The following KLF12 variants were observed in gnomAD, a reference collection of about 807,000 sequenced individuals.
KLF12 encodes KLF transcription factor 12.
In KLF12, 9 loss-of-function variants were observed where a neutral mutation model predicts 37.8. That is an observed-to-expected ratio of 0.24 (90% confidence interval 0.14 to 0.42). The LOEUF is 0.42. KLF12 is among the 10% of genes least tolerant of loss of function. The pLI, the probability that KLF12 is intolerant of heterozygous loss-of-function variation, is 1.00. For synonymous variants in KLF12, 208 were observed against 202.1 expected, an observed-to-expected ratio of 1.03 and a Z score of -0.25; for missense variants, 411 against 516.0, an observed-to-expected ratio of 0.80 and a Z score of 1.97.
chr13:73,955,552 T>G (rs953915093), intron 2 of KLF12, among the ~76,000 whole-genome samples: 27 of 152,352 alleles, frequency 1.8e-4, no homozygotes, highest in African/African-American at 6.5e-4. Flanking sequence ...TCTAATGTTT[T>G]CTGACTACTA....
chr13:73,895,822 CTTT>C (rs201728570), intron 3 of KLF12, among the ~76,000 whole-genome samples: 71,640 of 143,918 alleles, frequency 0.5, 17,570 homozygotes, highest in African/African-American at 0.57. Flanking sequence ...CCATGGAATT[CTTT>C]TTTTTTTTTT....
chr13:73,825,820 AC>A (rs1418579236), intron 4 of KLF12, among the ~76,000 whole-genome samples: 12 of 152,140 alleles, frequency 7.9e-5, no homozygotes, highest in Non-Finnish European at 1.8e-4. Flanking sequence ...CACTCTAAGC[AC>A]CTGCTGTCCC....
At chr13:74,295,352 A>G in the KLF12 span, among the ~76,000 whole-genome samples, 9 of 152,174 alleles carry the variant, frequency 5.9e-5, no homozygotes, top group South Asian at 6.2e-4. Flanking sequence ...CCCACTGAAC[A>G]TCTCCTTTCC....
intron 5 of KLF12, among the ~76,000 whole-genome samples, chr13:73,766,600 T>G (rs1741545563): frequency 6.6e-6 from 1 of 152,178 alleles, no homozygotes; most frequent in Admixed American, 6.5e-5. Flanking sequence ...CCCTATACCC[T>G]CACTGGGGTA....
At chr13:74,200,198 G>A in the KLF12 span, among the ~76,000 whole-genome samples, 33 of 151,874 alleles carry the variant, frequency 2.2e-4, 1 homozygote, top group Non-Finnish European at 4.0e-4. Context: ...TCAGGGGGGG[G>A]GTTTCCTGAG....
chr13:74,255,970 A>G, the KLF12 span, among the ~76,000 whole-genome samples: 10 of 152,162 alleles, frequency 6.6e-5, no homozygotes, highest in South Asian at 2.1e-3. Context: ...CCTGGCTAAC[A>G]TGATGAAACC....
chr13:73,856,576 C>T (rs954743138), intron 3 of KLF12, among the ~76,000 whole-genome samples: 3 of 152,060 alleles, frequency 2.0e-5, no homozygotes, highest in African/African-American at 7.2e-5. Context: ...ACAGTCACCT[C>T]TTGAGCAGAG....
At chr13:73,983,818 A>C (rs1045196339) in intron 2 of KLF12, among the ~76,000 whole-genome samples, 80 of 152,356 alleles carry the variant, frequency 5.3e-4, no homozygotes, top group Admixed American at 3.3e-3. Context: ...CACAACAGAC[A>C]GCAGTAACTG....
At chr13:73,773,804 C>G (rs1880418691) in intron 5 of KLF12, among the ~76,000 whole-genome samples, 1 of 152,180 alleles carries the variant, frequency 6.6e-6, no homozygotes, top group South Asian at 2.1e-4. Context: ...ACATCCCCTT[C>G]TGTTTTCTGT....
intron 5 of KLF12, among the ~76,000 whole-genome samples, chr13:73,805,660 GGAAGGAAGGAAGGA>G (rs1882556094): frequency 2.0e-5 from 1 of 50,686 alleles, no homozygotes; most frequent in African/African-American, 1.0e-4. Flanking sequence ...GAGGAAGGAA[GGAAGGAAGGAAGGA>G]AGGAAGGAAG....
At chr13:73,883,087 T>C (rs1325936278) in intron 3 of KLF12, among the ~76,000 whole-genome samples, 1 of 152,194 alleles carries the variant, frequency 6.6e-6, no homozygotes, top group Admixed American at 6.5e-5. Flanking sequence ...CTCCAAATAA[T>C]TACTATCATT....
rs182879867 is a variant in KLF12, at chr13:73,930,559, G to C, written c.123+13422C>G. Among the ~76,000 whole-genome samples, 8 of 152,270 alleles carry C rather than the reference G, an allele frequency of 5.3e-5. No individual in the cohort carries two copies. The East Asian group carries it at 1.5e-3, about 29-fold the overall frequency. ...CCATATATGTTTCTGAATAACGTTTGAAATGCTTTCTACAGTAACAATTGT... is the reference window on the plus strand; with the variant it reads ...CCATATATGTTTCTGAATAACGTTTCAAATGCTTTCTACAGTAACAATTGT... On this transcript the variant is annotated intron_variant, in intron 3 of 7. Transcript: ENST00000377669.
intron 3 of KLF12, among the ~76,000 whole-genome samples, chr13:73,873,600 T>A (rs1886573552): frequency 6.6e-6 from 1 of 152,192 alleles, no homozygotes. Flanking sequence ...GTGTTTATAT[T>A]GGTTTTTGTG....
chr13:73,984,265 CG>C (rs1891764443), intron 2 of KLF12, among the ~76,000 whole-genome samples: 1 of 152,166 alleles, frequency 6.6e-6, no homozygotes, highest in African/African-American at 2.4e-5. Context: ...TGGCGGGACT[CG>C]GGGCAGTAGT....
At chr13:74,193,002 A>G in the KLF12 span, among the ~76,000 whole-genome samples, 3 of 144,394 alleles carry the variant, frequency 2.1e-5, no homozygotes, top group African/African-American at 7.9e-5. Flanking sequence ...TTTTTGAGAC[A>G]GAGTTTCACT....
chr13:74,133,337 AG>A (rs1878372442), intron 1 of KLF12, among the ~76,000 whole-genome samples: 1 of 127,020 alleles, frequency 7.9e-6, no homozygotes, highest in Non-Finnish European at 1.6e-5. Context: ...CCCCAAGTTC[AG>A]CCCTGGGGTT....
upstream of KLF12, among the ~76,000 whole-genome samples, chr13:74,134,260 C>G (rs1165687152): frequency 6.6e-6 from 1 of 151,924 alleles, no homozygotes; most frequent in Admixed American, 6.5e-5. Flanking sequence ...AAAGCCCCGC[C>G]GCTGCCGGCG....
chr13:74,083,389 C>T (rs1252824146), intron 1 of KLF12, among the ~76,000 whole-genome samples: 2 of 151,906 alleles, frequency 1.3e-5, no homozygotes, highest in Non-Finnish European at 2.9e-5. Context: ...TGCCTGTAGT[C>T]CCCGCTACTC....
intron 1 of KLF12, among the ~76,000 whole-genome samples, chr13:74,037,557 C>T (rs763698904): frequency 1.2e-4 from 19 of 152,184 alleles, no homozygotes; most frequent in Admixed American, 3.3e-4. Flanking sequence ...CTAAGATGCA[C>T]TTGTCAATTT....
Sources: gnomAD v4.1 joint callset for allele counts (sites outside exome capture counted in the v4.1 genomes callset) on GRCh38, gnomAD v4.1.1 for gene constraint, MANE v1.5 for transcripts, NCBI Gene and HGNC (gene_info 2026-07-23, HGNC 2026-07-21) for gene names.